Variants in ARMC8 observed in about 807,000 individuals in gnomAD.
ARMC8 encodes the protein armadillo repeat-containing protein 8.
Under a neutral mutation model 99.3 loss-of-function variants are expected in ARMC8, and 20 were observed. The observed-to-expected ratio is 0.20, with a 90% CI of 0.14 to 0.29. The LOEUF is 0.29. Among genes scored for constraint, ARMC8 ranks in the 10% least tolerant of loss-of-function variants. The pLI is 1.00. For missense variants in ARMC8, 569 were observed against 809.5 expected (o/e 0.70, Z 3.60); for synonymous variants, 263 against 278.3 (o/e 0.95, Z 0.55).
chr3:138,285,063 C>T (rs1344709747), intron 19 of ARMC8, among the ~76,000 whole-genome samples: 6 of 152,298 alleles, frequency 3.9e-5, no homozygotes, highest in Non-Finnish European at 7.4e-5. Flanking sequence ...AGGAAGCCTC[C>T]CCTTGTCACA....
chr3:138,290,278 G>A (rs1214751197), intron 20 of ARMC8, among the ~76,000 whole-genome samples: 1 of 152,162 alleles, frequency 6.6e-6, no homozygotes, highest in East Asian at 1.9e-4. Context: ...ATCTCACCTT[G>A]ACCCTGTAGT....
chr3:138,245,398 C>G, intron 12 of ARMC8: 1 of 1,387,188 alleles, frequency 7.2e-7, no homozygotes, highest in Non-Finnish European at 9.3e-7. Context: ...GCTGGAATGA[C>G]AAATAACTGG....
At chr3:138,193,843 A>G (rs745682180) in intron 1 of ARMC8, among the ~76,000 whole-genome samples, 36 of 152,228 alleles carry the variant, frequency 2.4e-4, no homozygotes, top group Non-Finnish European at 4.6e-4. Flanking sequence ...AAATTGATAA[A>G]TTGGACTTTA....
intron 12 of ARMC8, chr3:138,246,831 T>C: frequency 1.0e-6 from 1 of 963,186 alleles, no homozygotes; most frequent in South Asian, 4.8e-5. Context: ...TAAGGCTAAC[T>C]CCTGATCGTT....
At chr3:138,222,071 AC>A in intron 3 of ARMC8, 74 bp downstream of exon 3, 1 of 1,165,350 alleles carries the variant, frequency 8.6e-7, no homozygotes, top group African/African-American at 1.5e-5. Context: ...CAATTATAGA[AC>A]CCATTTTTCC....
intron 15 of ARMC8, among the ~76,000 whole-genome samples, chr3:138,268,718 A>G (rs966481205): frequency 2.0e-5 from 3 of 151,978 alleles, no homozygotes; most frequent in Non-Finnish European, 4.4e-5. Flanking sequence ...TGAGGTTGCA[A>G]TGAGGTATGA....
At chr3:138,222,841 ATTTG>A (rs1354395569) in intron 3 of ARMC8, among the ~76,000 whole-genome samples, 2 of 152,182 alleles carry the variant, frequency 1.3e-5, no homozygotes, top group African/African-American at 4.8e-5. Context: ...TTTGGGGAGT[ATTTG>A]TTTGGCAAGC....
intron 20 of ARMC8, 40 bp downstream of exon 20, chr3:138,289,160 G>A: frequency 6.6e-7 from 1 of 1,520,502 alleles, no homozygotes; most frequent in Non-Finnish European, 9.1e-7. Context: ...AAAATTATGG[G>A]AAGAGTGTCT....
At chr3:138,291,054 G>A (rs1015569671) in intron 21 of ARMC8, among the ~76,000 whole-genome samples, 3 of 152,218 alleles carry the variant, frequency 2.0e-5, no homozygotes, top group African/African-American at 7.2e-5. Flanking sequence ...CTACCACTAA[G>A]GAATCACTGT....
intron 2 of ARMC8, among the ~76,000 whole-genome samples, chr3:138,215,222 T>C (rs2044945598): frequency 6.6e-6 from 1 of 152,102 alleles, no homozygotes; most frequent in South Asian, 2.1e-4. Context: ...ATCTTTTCTT[T>C]TCTTTTTTTT....
At chr3:138,192,993 T>G (rs1167304653) in intron 1 of ARMC8, among the ~76,000 whole-genome samples, 1 of 151,978 alleles carries the variant, frequency 6.6e-6, no homozygotes, top group Non-Finnish European at 1.5e-5. Flanking sequence ...TTTTGATATG[T>G]GTTTCGCTCT....
intron 12 of ARMC8, chr3:138,245,766 A>G (rs2046851867): frequency 1.0e-6 from 1 of 986,784 alleles, no homozygotes. Flanking sequence ...ATGTTACTAA[A>G]GCCTAGTCTA....
chr3:138,210,006 C>A, intron 2 of ARMC8, 113 bp downstream of exon 2: 1 of 679,216 alleles, frequency 1.5e-6, no homozygotes, highest in Non-Finnish European at 2.4e-6. Flanking sequence ...TTTCATTTGG[C>A]TTCTTTCTAG....
chr3:138,188,018 C>T, intron 1 of ARMC8: 1 of 244,192 alleles, frequency 4.1e-6, no homozygotes. Context: ...TCAGCTCTCC[C>T]GGGCTTTGGC....
intron 2 of ARMC8, among the ~76,000 whole-genome samples, chr3:138,214,272 T>A (rs2108045071): frequency 6.6e-6 from 1 of 152,024 alleles, no homozygotes; most frequent in East Asian, 1.9e-4. Flanking sequence ...AGTTTCAGAG[T>A]TTAATAGAAT....
chr3:138,194,954 A>T (rs2043629056), intron 1 of ARMC8, among the ~76,000 whole-genome samples: 1 of 152,146 alleles, frequency 6.6e-6, no homozygotes, highest in Non-Finnish European at 1.5e-5. Flanking sequence ...AGTACAGGGT[A>T]TGTCAGTAGG....
At chr3:138,295,795 C>T (rs1047019364) in intron 21 of ARMC8, 64 bp from the exon 22 acceptor site, 210 of 1,567,612 alleles carry the variant, frequency 1.3e-4, no homozygotes, top group Non-Finnish European at 1.8e-4. Context: ...ATCATTGAAC[C>T]ATAGGGTTTT....
At chr3:138,203,187 T>C (rs1232228979) in intron 1 of ARMC8, among the ~76,000 whole-genome samples, 1 of 152,254 alleles carries the variant, frequency 6.6e-6, no homozygotes, top group Admixed American at 6.5e-5. Context: ...ATTTTATGCA[T>C]ATTATTCTGT....
At chr3:138,223,364 C>A (rs200183090) in intron 3 of ARMC8, 25 bp from the exon 4 acceptor site, 1 of 1,608,828 alleles carries the variant, frequency 6.2e-7, no homozygotes, top group African/African-American at 1.3e-5. Context: ...TTAGTCTCTT[C>A]GTTTATTAAG....
Sources: gnomAD v4.1 joint callset for allele counts (sites outside exome capture counted in the v4.1 genomes callset) on GRCh38, gnomAD v4.1.1 for gene constraint, MANE v1.5 for transcripts, NCBI Gene and HGNC (gene_info 2026-07-23, HGNC 2026-07-21) for gene names.